Variants in PRKCE observed in about 807,000 individuals in gnomAD.
PRKCE encodes the protein protein kinase C epsilon.
PRKCE carries 16 observed loss-of-function variants against 85.4 expected under a neutral mutation model. The ratio of observed to expected loss-of-function variants is 0.19; its 90% confidence interval spans 0.13 to 0.28. The LOEUF is 0.28. PRKCE is among the 10% of genes least tolerant of loss of function. PRKCE has a pLI of 1.00. For missense variants in PRKCE, 573 were observed against 975.2 expected (o/e 0.59, Z 5.49); for synonymous variants, 388 against 371.5 (o/e 1.04, Z -0.51).
chr2:45,751,162 A>G (rs1172527852), intron 1 of PRKCE, among the ~76,000 whole-genome samples: 2 of 152,002 alleles, frequency 1.3e-5, no homozygotes, highest in Admixed American at 6.6e-5. Flanking sequence ...ACTCACCATC[A>G]CTGGCAAAGC....
chr2:45,980,189 G>A (rs1029754625), intron 4 of PRKCE, 107 bp from the exon 5 acceptor site: 2 of 988,048 alleles, frequency 2.0e-6, no homozygotes, highest in Non-Finnish European at 3.0e-6. Flanking sequence ...CTCAGTGGCA[G>A]AAGGGGCCTG....
chr2:46,055,911 C>T (rs1157562987), intron 10 of PRKCE, among the ~76,000 whole-genome samples: 1 of 152,192 alleles, frequency 6.6e-6, no homozygotes, highest in Non-Finnish European at 1.5e-5. Flanking sequence ...GATCTGCCCG[C>T]CTTGGCCTCC....
At chr2:45,696,844 C>T (rs1378601751) in intron 1 of PRKCE, among the ~76,000 whole-genome samples, 1 of 152,172 alleles carries the variant, frequency 6.6e-6, no homozygotes, top group African/African-American at 2.4e-5. Flanking sequence ...AGCTCAGAGG[C>T]TTTGAAGCCC....
intron 2 of PRKCE, among the ~76,000 whole-genome samples, chr2:45,926,281 C>G (rs1698608575): frequency 6.6e-6 from 1 of 152,160 alleles, no homozygotes; most frequent in Non-Finnish European, 1.5e-5. Flanking sequence ...GGAATATGGG[C>G]AGAGGGGGGA....
intron 11 of PRKCE, among the ~76,000 whole-genome samples, chr2:46,108,542 C>T (rs1412706208): frequency 1.3e-5 from 2 of 152,126 alleles, no homozygotes; most frequent in Non-Finnish European, 2.9e-5. Context: ...GGAGGCTGCT[C>T]GATGGGTACA....
intron 1 of PRKCE, among the ~76,000 whole-genome samples, chr2:45,796,762 A>G (rs1471818256): frequency 6.6e-6 from 1 of 152,168 alleles, no homozygotes; most frequent in Non-Finnish European, 1.5e-5. Context: ...GAGCTAGAAA[A>G]GACTTCACAG....
At chr2:45,828,415 A>C (rs1014573250) in intron 1 of PRKCE, among the ~76,000 whole-genome samples, 2 of 152,198 alleles carry the variant, frequency 1.3e-5, no homozygotes, top group African/African-American at 4.8e-5. Flanking sequence ...AATAAAATAA[A>C]AATCTATTGA....
intron 10 of PRKCE, 134 bp downstream of exon 10, chr2:46,010,651 C>G: frequency 6.3e-7 from 1 of 1,599,138 alleles, no homozygotes; most frequent in Non-Finnish European, 8.5e-7. Context: ...TTGAAAAGAT[C>G]AGGATGTATT....
At chr2:45,925,286 T>C (rs1420936745) in intron 2 of PRKCE, among the ~76,000 whole-genome samples, 1 of 150,608 alleles carries the variant, frequency 6.6e-6, no homozygotes, top group East Asian at 2.0e-4. Flanking sequence ...TCTCTAAGCA[T>C]GCTGTATTTT....
intron 2 of PRKCE, among the ~76,000 whole-genome samples, chr2:45,939,756 T>C (rs1191578248): frequency 6.6e-6 from 1 of 152,198 alleles, no homozygotes; most frequent in Admixed American, 6.5e-5. Flanking sequence ...GGTTTTATCA[T>C]GTTGACCAGG....
At chr2:45,830,781 G>C (rs1166783844) in intron 1 of PRKCE, among the ~76,000 whole-genome samples, 1 of 152,196 alleles carries the variant, frequency 6.6e-6, no homozygotes, top group African/African-American at 2.4e-5. Flanking sequence ...TGACAATATT[G>C]ATGTTAGAAG....
At chr2:45,767,410 C>T (rs1573269270) in intron 1 of PRKCE, among the ~76,000 whole-genome samples, 1 of 152,238 alleles carries the variant, frequency 6.6e-6, no homozygotes, top group Non-Finnish European at 1.5e-5. Context: ...ATCTCAGCAT[C>T]TTGGTTATGC....
chr2:45,928,370 C>T (rs1226796956), intron 2 of PRKCE, among the ~76,000 whole-genome samples: 1 of 152,236 alleles, frequency 6.6e-6, no homozygotes, highest in Non-Finnish European at 1.5e-5. Flanking sequence ...CGGGTTGAAG[C>T]AATTCTCATG....
intron 1 of PRKCE, among the ~76,000 whole-genome samples, chr2:45,720,442 A>G (rs1680520024): frequency 6.6e-6 from 1 of 152,112 alleles, no homozygotes; most frequent in South Asian, 2.1e-4. Context: ...GAGGAACAAC[A>G]TGCAGCCTCA....
At chr2:45,690,616 A>G (rs978985628) in intron 1 of PRKCE, among the ~76,000 whole-genome samples, 2 of 152,222 alleles carry the variant, frequency 1.3e-5, no homozygotes, top group Admixed American at 1.3e-4. Context: ...GAGGTTTTTC[A>G]TGTTTAAATG....
At chr2:46,106,157 TG>T (rs1671696462) in intron 11 of PRKCE, among the ~76,000 whole-genome samples, 1 of 152,244 alleles carries the variant, frequency 6.6e-6, no homozygotes, top group Non-Finnish European at 1.5e-5. Flanking sequence ...CATGTATTAG[TG>T]GACCTATGTA....
intron 1 of PRKCE, among the ~76,000 whole-genome samples, chr2:45,773,126 T>C (rs944880941): frequency 5.3e-5 from 8 of 152,138 alleles, no homozygotes; most frequent in African/African-American, 1.9e-4. Flanking sequence ...GAGCAGGACC[T>C]CTCAGGGTGG....
Position 45,653,370 on chromosome 2 carries a change from G to GTTTTTTTTTTT in PRKCE, c.348+937_348+947dup, listed in dbSNP as rs34888247. ...TGCTTTTTGTGTTTGTTTTTGGGTTGTTTTTTTTTTTTTTTTTTTTTTTTT... is the reference window on the plus strand; with the variant it reads ...TGCTTTTTGTGTTTGTTTTTGGGTTGTTTTTTTTTTTTTTTTTTTTTTTTTTTTTTTTTTTT... On this transcript the variant is annotated intron_variant, in intron 1 of 14. Coordinates refer to ENST00000306156, the MANE Select transcript of PRKCE (RefSeq NM_005400.3). Among the ~76,000 whole-genome samples the GTTTTTTTTTTT allele has an allele frequency of 8.4e-3, 517 of 61,456 alleles. 50 individuals are homozygous for GTTTTTTTTTTT. The highest frequency in any genetic ancestry group is 0.017 in the East Asian group (22 of 1,302). The allele number at this position is 61,456 out of a possible 152,430, so 40.3% of individuals were successfully genotyped here. A position where few individuals can be genotyped will look rare whatever the true frequency, so the allele number is the denominator to read the frequency against.
chr2:45,713,440 A>C (rs1522984), intron 1 of PRKCE, among the ~76,000 whole-genome samples: 105,574 of 151,982 alleles, frequency 0.69, 36,898 homozygotes, highest in East Asian at 0.79. Context: ...CTTCTGTGTT[A>C]CTGATTGGGA....
Sources: allele counts gnomAD v4.1 joint callset (sites outside exome capture counted in the v4.1 genomes callset), GRCh38; gene constraint gnomAD v4.1.1; transcripts MANE v1.5; gene names NCBI Gene and HGNC (gene_info 2026-07-23, HGNC 2026-07-21).